The following NKAIN3 variants were observed in gnomAD, a reference collection of about 807,000 sequenced individuals.
The protein encoded by NKAIN3 is sodium/potassium-transporting ATPase subunit beta-1-interacting protein 3.
A neutral mutation model predicts 30.2 loss-of-function variants in NKAIN3; 25 were observed. The ratio of observed to expected loss-of-function variants is 0.83; its 90% CI spans 0.60 to 1.16. The LOEUF is 1.16. Ranked by LOEUF, NKAIN3 falls within the 50% of genes most tolerant of loss-of-function variation. The probability of loss-of-function intolerance (pLI) is 0.00; values close to 1 mark genes in which losing one functional copy is unlikely to be tolerated. For missense variants in NKAIN3, 225 were observed against 254.1 expected (o/e 0.89, Z 0.78); for synonymous variants, 91 against 89.6 (o/e 1.02, Z -0.09).
At chr8:62,324,997 C>T (rs1297668682) in intron 1 of NKAIN3, among the ~76,000 whole-genome samples, 1 of 151,976 alleles carries the variant, frequency 6.6e-6, no homozygotes, top group African/African-American at 2.4e-5. Flanking sequence ...ATTTTTATTT[C>T]AATACTTTTT....
chr8:62,688,383 T>C (rs1813859450), intron 3 of NKAIN3, among the ~76,000 whole-genome samples: 1 of 152,170 alleles, frequency 6.6e-6, no homozygotes, highest in South Asian at 2.1e-4. Flanking sequence ...GAAATAAATA[T>C]ACATAAATAC....
intron 6 of NKAIN3, among the ~76,000 whole-genome samples, chr8:62,964,520 GAA>G (rs1408888565): frequency 2.2e-5 from 3 of 134,382 alleles, no homozygotes; most frequent in East Asian, 5.2e-4. Flanking sequence ...AACCAGTAGA[GAA>G]AGAGAGAGAG....
intron 5 of NKAIN3, among the ~76,000 whole-genome samples, chr8:62,929,078 G>A (rs1479360349): frequency 1.3e-5 from 2 of 152,204 alleles, no homozygotes; most frequent in Non-Finnish European, 2.9e-5. Context: ...AAGAGGCAAA[G>A]GCCAGGAGAC....
intron 4 of NKAIN3, among the ~76,000 whole-genome samples, chr8:62,893,696 CTG>C (rs1366171182): frequency 6.6e-6 from 1 of 152,102 alleles, no homozygotes; most frequent in African/African-American, 2.4e-5. Flanking sequence ...ACATAACTAA[CTG>C]TGTACACACA....
chr8:62,914,956 C>A (rs960645761), intron 4 of NKAIN3, among the ~76,000 whole-genome samples: 3 of 151,832 alleles, frequency 2.0e-5, no homozygotes, highest in African/African-American at 7.3e-5. Flanking sequence ...CCTCTCCTTG[C>A]CCCCCCACAG....
At chr8:62,417,334 A>G (rs977825111) in intron 1 of NKAIN3, among the ~76,000 whole-genome samples, 1 of 152,126 alleles carries the variant, frequency 6.6e-6, no homozygotes, top group African/African-American at 2.4e-5. Context: ...ATAGTACTCC[A>G]TTGTGTATAA....
At chr8:62,556,018 A>G (rs1163541280) in intron 1 of NKAIN3, among the ~76,000 whole-genome samples, 1 of 151,930 alleles carries the variant, frequency 6.6e-6, no homozygotes, top group Non-Finnish European at 1.5e-5. Context: ...CCATCAAGAG[A>G]CTCTCATTTA....
intron 3 of NKAIN3, among the ~76,000 whole-genome samples, chr8:62,658,417 T>C (rs560887487): frequency 6.6e-6 from 1 of 152,262 alleles, no homozygotes; most frequent in South Asian, 2.1e-4. Context: ...CAGGCAGAAA[T>C]TAGTTGAGGC....
intron 1 of NKAIN3, among the ~76,000 whole-genome samples, chr8:62,503,067 C>A (rs1405511052): frequency 6.6e-6 from 1 of 152,160 alleles, no homozygotes; most frequent in African/African-American, 2.4e-5. Context: ...TGGAGCTCAG[C>A]CTCCTGTCAC....
chr8:62,436,844 A>G (rs1353465674), intron 1 of NKAIN3, among the ~76,000 whole-genome samples: 3 of 152,200 alleles, frequency 2.0e-5, no homozygotes, highest in African/African-American at 7.2e-5. Flanking sequence ...GACTTCGCAC[A>G]AGTAAAAGTA....
intron 5 of NKAIN3, among the ~76,000 whole-genome samples, chr8:62,950,944 CTTTTT>C (rs71559384): frequency 9.9e-6 from 1 of 100,664 alleles, no homozygotes; most frequent in Admixed American, 1.2e-4. Flanking sequence ...AAACAGAATC[CTTTTT>C]TTTTTTTTTT....
intron 5 of NKAIN3, among the ~76,000 whole-genome samples, chr8:62,925,870 A>G (rs1305362442): frequency 6.6e-6 from 1 of 152,156 alleles, no homozygotes; most frequent in African/African-American, 2.4e-5. Context: ...AGTCTGATGT[A>G]TCAGCCTCAG....
chr8:62,933,040 G>C (rs1325767047), intron 5 of NKAIN3, among the ~76,000 whole-genome samples: 1 of 114,834 alleles, frequency 8.7e-6, no homozygotes, highest in Non-Finnish European at 1.8e-5. Context: ...CAGGGAATGA[G>C]AGAATTGATA....
intron 5 of NKAIN3, among the ~76,000 whole-genome samples, chr8:62,943,389 A>C (rs1036024946): frequency 6.6e-6 from 1 of 152,164 alleles, no homozygotes; most frequent in Non-Finnish European, 1.5e-5. Context: ...TCAAAAAAGA[A>C]TAGATGTTGG....
chr8:62,807,528 C>T (rs1818335053), intron 4 of NKAIN3, among the ~76,000 whole-genome samples: 1 of 147,932 alleles, frequency 6.8e-6, no homozygotes. Context: ...ATATCTATTT[C>T]TCATCTTTCA....
intron 4 of NKAIN3, among the ~76,000 whole-genome samples, chr8:62,781,758 C>T (rs1320529237): frequency 6.6e-6 from 1 of 151,670 alleles, no homozygotes; most frequent in Non-Finnish European, 1.5e-5. Context: ...TCACCATATA[C>T]AAAAGTCAAC....
intron 5 of NKAIN3, among the ~76,000 whole-genome samples, chr8:62,997,050 T>A (rs2130937785): frequency 6.6e-6 from 1 of 152,304 alleles, no homozygotes; most frequent in South Asian, 2.1e-4. Context: ...CAGTGAGGAC[T>A]CTGTGTGGGG....
intron 1 of NKAIN3, among the ~76,000 whole-genome samples, chr8:62,506,738 G>T (rs1807657810): frequency 6.6e-6 from 1 of 152,012 alleles, no homozygotes; most frequent in African/African-American, 2.4e-5. Context: ...CTCCCAGAGT[G>T]CTGGGATTAC....
In NKAIN3 at chr8:62,826,904, C is replaced by A. The variant is rs537651305; in HGVS notation, c.471+79775C>A. Among the ~76,000 whole-genome samples, 17 of 152,228 alleles carry A rather than the reference C, an allele frequency of 1.1e-4. No individual in the cohort carries two copies. The South Asian group carries it at 3.5e-3, about 32-fold the overall frequency. On this transcript the variant is annotated intron_variant, in intron 4 of 6. Coordinates refer to ENST00000623646, the MANE Select transcript of NKAIN3 (RefSeq NM_001304533.3). ...ATCCTTTACTGGTTTAAATACAATA[C>A]CTACTCTCAAAGTCTTTTTCTTTTA... is the stretch of plus-strand genomic sequence containing the variant.
Sources: allele counts gnomAD v4.1 joint callset (sites outside exome capture counted in the v4.1 genomes callset), GRCh38; gene constraint gnomAD v4.1.1; transcripts MANE v1.5; gene names NCBI Gene and HGNC (gene_info 2026-07-23, HGNC 2026-07-21).